The following KIAA1549 variants were observed in gnomAD, a reference collection of about 807,000 sequenced individuals.
KIAA1549 encodes KIAA1549.
A neutral mutation model predicts 156.4 loss-of-function variants in KIAA1549; 70 were observed. The ratio of observed to expected loss-of-function variants is 0.45; its 90% CI spans 0.37 to 0.55. The LOEUF is 0.55. Ranked by LOEUF, KIAA1549 falls within the 20% of genes least tolerant of loss-of-function variation. KIAA1549 has a pLI of 0.00. For missense variants in KIAA1549, 2,428 were observed against 2,540.9 expected (o/e 0.96, Z 0.96); for synonymous variants, 1,103 against 1,066.4 (o/e 1.03, Z -0.67).
chr7:138,961,781 G>T (rs1041438485), intron 1 of KIAA1549, among the ~76,000 whole-genome samples: 4 of 149,936 alleles, frequency 2.7e-5, no homozygotes, highest in African/African-American at 9.9e-5. Flanking sequence ...GTTCAAGGCT[G>T]CTGTGAGAGA....
At chr7:138,973,789 T>C (rs1255784106) in intron 1 of KIAA1549, among the ~76,000 whole-genome samples, 1 of 152,136 alleles carries the variant, frequency 6.6e-6, no homozygotes, top group Non-Finnish European at 1.5e-5. Flanking sequence ...AGACTACAGG[T>C]GCATGCCACC....
intron 18 of KIAA1549, among the ~76,000 whole-genome samples, chr7:138,843,928 G>A (rs1809993461): frequency 6.6e-6 from 1 of 152,192 alleles, no homozygotes; most frequent in African/African-American, 2.4e-5. Flanking sequence ...TGAGATAAGA[G>A]TTTTGCTCTG....
chr7:138,867,078 C>A (rs1810767948), intron 15 of KIAA1549, among the ~76,000 whole-genome samples: 1 of 152,200 alleles, frequency 6.6e-6, no homozygotes, highest in African/African-American at 2.4e-5. Context: ...GCTGGCATTA[C>A]AGGTCTGAGC....
chr7:138,869,802 C>G, intron 13 of KIAA1549, 41 bp from the exon 14 acceptor site: 3 of 1,482,704 alleles, frequency 2.0e-6, no homozygotes, highest in Non-Finnish European at 2.8e-6. Flanking sequence ...CATAGAGGTC[C>G]CGGGAAGCTT....
At chr7:138,909,537 G>C (rs1812108880) in intron 4 of KIAA1549, among the ~76,000 whole-genome samples, 1 of 152,140 alleles carries the variant, frequency 6.6e-6, no homozygotes, top group African/African-American at 2.4e-5. Flanking sequence ...CAAAATTGGT[G>C]ATGTTGATAA....
Position 138,918,076 on chromosome 7 carries a change from G to C in KIAA1549, c.1550C>G (p.Thr517Arg). 3.1e-6 allele frequency: 5 copies of C among 1,613,670 alleles called. No homozygotes were observed. Among genetic ancestry groups the C allele is most frequent in the Non-Finnish European group, 4.2e-6 (5 of 1,179,794 alleles). Residue 517 changes from threonine (T) to arginine (R), a missense_variant, in exon 2 of 20, where the codon ACA becomes AGA. Thr to Arg is a moderately conservative substitution (Grantham distance 71). This residue lies in a region of KIAA1549 where 893 missense variants were observed against 847.9 expected (regional missense o/e 1.05). Transcript: ENST00000422774. The surrounding 1 kb of genome is among the most constrained non-coding windows in gnomAD (Gnocchi z 4.2). ...ISAEVDMSSVTTTQVPPAHGR... is the reference protein window; with the variant it reads ...ISAEVDMSSVRTTQVPPAHGR... The stretch of plus-strand genomic sequence containing the variant: ...GTGGGCAGGGGGAACCTGTGTGGTT[G>C]TAACACTACTCATATCCACCTCGGC...
Position 138,903,792 on chromosome 7 carries a change from A to AGT in KIAA1549, c.3521-58_3521-57dup, listed in dbSNP as rs55745123. 836 of 1,196,720 alleles carry AGT rather than the reference A, an allele frequency of 7.0e-4. 1 individual carries two copies. The highest frequency in any genetic ancestry group is 3.2e-3 in the Admixed American group (129 of 40,742). 74.1% of individuals were successfully genotyped at this position (1,196,720 alleles called of 1,614,324 possible). A position where few individuals can be genotyped will look rare whatever the true frequency, so the allele number is the denominator to read the frequency against. ...CAAAACAAGTCAGCAGTAAAAAAAC[A>AGT]GTGTGTGTGTGTGTGTGTGTGTGTG... is the stretch of plus-strand genomic sequence containing the variant. On this transcript the variant is annotated intron_variant, in intron 7 of 19. Coordinates refer to ENST00000422774, the MANE Select transcript of KIAA1549 (RefSeq NM_001164665.2).
At chr7:138,906,672 G>A (rs1407193280) in intron 6 of KIAA1549, among the ~76,000 whole-genome samples, 1 of 152,130 alleles carries the variant, frequency 6.6e-6, no homozygotes, top group African/African-American at 2.4e-5. Flanking sequence ...GTGGCGGGAG[G>A]AGGGATAAAA....
At chr7:138,939,650 A>C (rs1451782257) in intron 1 of KIAA1549, among the ~76,000 whole-genome samples, 1 of 152,184 alleles carries the variant, frequency 6.6e-6, no homozygotes, top group East Asian at 1.9e-4. Context: ...TTTCCACTGT[A>C]TCACGGCAGG....
chr7:138,839,780 T>C (rs1324470496), intron 19 of KIAA1549, among the ~76,000 whole-genome samples: 1 of 112,048 alleles, frequency 8.9e-6, no homozygotes, highest in East Asian at 2.9e-4. Flanking sequence ...GATTATGTCT[T>C]TTTTTTTTTT....
intron 16 of KIAA1549, among the ~76,000 whole-genome samples, chr7:138,857,610 GATTT>G (rs1197132986): frequency 2.0e-5 from 3 of 152,172 alleles, no homozygotes; most frequent in Admixed American, 1.3e-4. Context: ...CATAATTGTA[GATTT>G]ATTTCCACAT....
chr7:138,936,743 C>G (rs1346957217), intron 1 of KIAA1549, among the ~76,000 whole-genome samples: 1 of 141,048 alleles, frequency 7.1e-6, no homozygotes, highest in Admixed American at 7.0e-5. Flanking sequence ...CACCCCCACA[C>G]AAACACACCC....
Position 138,837,507 on chromosome 7 carries a change from G to A in KIAA1549, c.*399C>T, listed in dbSNP as rs892247886. On this transcript the variant is annotated 3_prime_UTR_variant, in exon 20 of 20. Coordinates refer to ENST00000422774, the MANE Select transcript of KIAA1549 (RefSeq NM_001164665.2). Reference sequence around the variant, plus strand: ...CCTCTTCTCAGAAAACAAAGCAGCAGGTTCATCGTACACGTACCAGTCTCA... The same window carrying A: ...CCTCTTCTCAGAAAACAAAGCAGCAAGTTCATCGTACACGTACCAGTCTCA... 1.0e-5 allele frequency: 3 copies of A among 301,356 alleles called. No homozygotes were observed. Among genetic ancestry groups the A allele is most frequent in the Middle Eastern group, 8.8e-4 (1 of 1,142 alleles). The allele number at this position is 301,356 out of a possible 1,614,324, so 18.7% of individuals were successfully genotyped here. A position where few individuals can be genotyped will look rare whatever the true frequency, so the allele number is the denominator to read the frequency against.
rs545645203 is a variant in KIAA1549, at chr7:138,918,224, C to T, written c.1402G>A (p.Val468Ile). The change falls in exon 2 of 20, where the codon GTA becomes ATA. Residue 468 changes from valine (V) to isoleucine (I), a missense_variant. Around this residue, in one of 5 missense-constraint regions of KIAA1549, gnomAD observed 893 missense variants for 847.9 expected, o/e 1.05. Transcript: ENST00000422774. This position sits in a 1 kb window ranked among gnomAD's most constrained non-coding sequence, Gnocchi z 4.2. ...ESSISLMSSV[V>I]ADFSEFEEDP... is the part of the protein sequence containing the mutation. ...TCCTCAAATTCAGAGAAGTCTGCTA[C>T]GACGCTACTCATTAGAGAGATGCTG... is the stretch of plus-strand genomic sequence containing the variant. 6.4e-5 allele frequency: 104 copies of T among 1,614,008 alleles called. 1 individual carries two copies. In the South Asian group the frequency reaches 8.5e-4, roughly 13 times the overall value.
chr7:138,949,027 G>C (rs1348288649), intron 1 of KIAA1549, among the ~76,000 whole-genome samples: 2 of 152,024 alleles, frequency 1.3e-5, no homozygotes, highest in Non-Finnish European at 2.9e-5. Context: ...GTTTTTACGG[G>C]GTCATGAGGT....
intron 7 of KIAA1549, 64 bp downstream of exon 7, chr7:138,904,958 T>G (rs1811965096): frequency 1.0e-6 from 1 of 979,078 alleles, no homozygotes; most frequent in African/African-American, 1.7e-5. Flanking sequence ...AGCATCATTC[T>G]CAATACGCCT....
chr7:138,848,528 A>G (rs147943806), intron 17 of KIAA1549, among the ~76,000 whole-genome samples: 165 of 152,322 alleles, frequency 1.1e-3, no homozygotes, highest in African/African-American at 3.7e-3. Context: ...ATGTGGTTGT[A>G]ATATGAGATC....
At chr7:138,942,084 C>T (rs1410978435) in intron 1 of KIAA1549, among the ~76,000 whole-genome samples, 2 of 152,092 alleles carry the variant, frequency 1.3e-5, no homozygotes, top group African/African-American at 4.8e-5. Context: ...GTGAAAAACC[C>T]GAGGCTCCAA....
intron 1 of KIAA1549, among the ~76,000 whole-genome samples, chr7:138,948,694 C>CT (rs11325172): frequency 8.4e-4 from 116 of 138,176 alleles, no homozygotes; most frequent in East Asian, 3.6e-3. Flanking sequence ...TGTTTTGTGG[C>CT]TTTTTTTTTT....
Sources: gnomAD v4.1 joint callset for allele counts (sites outside exome capture counted in the v4.1 genomes callset) on GRCh38, gnomAD v4.1.1 for gene constraint, gnomAD v4.1.1 regional missense constraint, Gnocchi (gnomAD v3.1) non-coding constraint, MANE v1.5 for transcripts, NCBI Gene and HGNC (gene_info 2026-07-23, HGNC 2026-07-21) for gene names.